The following TMPRSS11B variants were observed in gnomAD, a reference collection of about 807,000 sequenced individuals.
TMPRSS11B encodes transmembrane protease serine 11B.
In TMPRSS11B, 53 loss-of-function variants were observed where a neutral mutation model predicts 44.7. That is an observed-to-expected ratio of 1.19 (90% CI 0.95 to 1.49). TMPRSS11B has a LOEUF of 1.49. Ranked by LOEUF, TMPRSS11B falls within the 40% of genes most tolerant of loss-of-function variation. The probability of loss-of-function intolerance (pLI) is 0.00; values close to 1 mark genes in which losing one functional copy is unlikely to be tolerated. For missense variants in TMPRSS11B, 526 were observed against 494.8 expected, an observed-to-expected ratio of 1.06 and a Z score of -0.60; for synonymous variants, 140 against 159.2, an observed-to-expected ratio of 0.88 and a Z score of 0.91.
chr4:68,242,376 A>ATATTATATTATATAT (rs1481689829), intron 1 of TMPRSS11B, among the ~76,000 whole-genome samples: 1 of 57,896 alleles, frequency 1.7e-5, no homozygotes, highest in African/African-American at 7.2e-5. Flanking sequence ...ATATAATATT[A>ATATTATATTATATAT]TATATATAAT....
At position 68,231,392 on chromosome 4, in the gene TMPRSS11B, AT is replaced by A; in HGVS notation, c.509-13del. Reference sequence around the variant, plus strand: ...TTGTCTCCCACAACCTAGAGAAAGGATTTATTTACACGAGAGCAGGTATCTT... The same window carrying A: ...TTGTCTCCCACAACCTAGAGAAAGGATTATTTACACGAGAGCAGGTATCTT... On this transcript the variant is annotated splice_polypyrimidine_tract_variant and intron_variant, in intron 6 of 9. Transcript: ENST00000332644. 1 of 1,602,774 alleles carries A rather than the reference AT, an allele frequency of 6.2e-7. No homozygotes were observed. The highest frequency in any genetic ancestry group is 1.1e-5 in the South Asian group (1 of 89,436).
intron 1 of TMPRSS11B, 23 bp downstream of exon 1, chr4:68,245,528 C>T (rs1210425087): frequency 6.2e-7 from 1 of 1,613,190 alleles, no homozygotes; most frequent in Non-Finnish European, 8.5e-7. Context: ...CCAACTTGCT[C>T]TCCCCAGTGA....
At chr4:68,240,449 T>A (rs1190864042) in intron 2 of TMPRSS11B, among the ~76,000 whole-genome samples, 2 of 152,182 alleles carry the variant, frequency 1.3e-5, no homozygotes, top group Non-Finnish European at 2.9e-5. Context: ...GGGTGAATTA[T>A]CATCCCATGC....
chr4:68,233,390 C>A (rs1175948988), intron 5 of TMPRSS11B, among the ~76,000 whole-genome samples: 3 of 152,180 alleles, frequency 2.0e-5, no homozygotes, highest in Non-Finnish European at 4.4e-5. Flanking sequence ...ACTCTGAAAT[C>A]ATATGCTTAT....
At chr4:68,245,476 C>CA (rs1719974449) in intron 1 of TMPRSS11B, 75 bp downstream of exon 1, 2 of 1,511,394 alleles carry the variant, frequency 1.3e-6, no homozygotes, top group Non-Finnish European at 1.8e-6. Context: ...AGTCAATTAA[C>CA]AAAAAACTAG....
chr4:68,241,086 G>C (rs1368193279), intron 2 of TMPRSS11B, among the ~76,000 whole-genome samples: 3 of 152,140 alleles, frequency 2.0e-5, no homozygotes, highest in African/African-American at 7.2e-5. Context: ...GGAAGATAAA[G>C]TGGAATGATG....
chr4:68,234,615 G>C lies in TMPRSS11B; in HGVS notation c.317C>G (p.Ala106Gly). The C allele has an allele frequency of 6.2e-7, 1 of 1,613,590 alleles. No individual in the cohort carries two copies. The highest frequency in any genetic ancestry group is 8.5e-7 in the Non-Finnish European group (1 of 1,179,848). ...KSEVIKLLPNANGSNVQLQLK... is the reference protein window; with the variant it reads ...KSEVIKLLPNGNGSNVQLQLK... ...CTGTAACTGCACATTTGAACCATTG[G>C]CATTAGGCCTAGAAACAACAGAAAT... is the stretch of plus-strand genomic sequence containing the variant. Residue 106 changes from alanine to glycine, a missense_variant, in exon 5 of 10, where the codon GCC (alanine) becomes GGC (glycine). Coordinates refer to ENST00000332644, the MANE Select transcript of TMPRSS11B (RefSeq NM_182502.3).
chr4:68,233,513 G>A (rs1719577003), intron 5 of TMPRSS11B, among the ~76,000 whole-genome samples: 1 of 152,020 alleles, frequency 6.6e-6, no homozygotes, highest in Admixed American at 6.5e-5. Flanking sequence ...TCATTTTTCT[G>A]TGAGAAGCTT....
At position 68,231,206 on chromosome 4, in the gene TMPRSS11B, G is replaced by A; in HGVS notation, c.683C>T (p.Ala228Val). ...TTAGTCAAATTTTCAAACTTACTTA[G>A]CAAAGCAGTGAGCTGCAGATAATAG... ...RWLLSAAHCF[A>V]KKNNSKDWTV... is the part of the protein sequence containing the mutation. Residue 228 changes from alanine (A) to valine (V), a missense_variant, in exon 7 of 10, where the codon GCT (alanine) becomes GTT (valine). Ala to Val is a moderately conservative substitution (Grantham distance 64, BLOSUM62 0). Coordinates refer to ENST00000332644, the MANE Select transcript of TMPRSS11B (RefSeq NM_182502.3). 1 of 1,602,170 alleles carries A rather than the reference G, an allele frequency of 6.2e-7. No homozygotes were observed. The highest frequency in any genetic ancestry group is 8.5e-7 in the Non-Finnish European group (1 of 1,175,940).
chr4:68,242,351 A>AT (rs1479438190), intron 1 of TMPRSS11B, among the ~76,000 whole-genome samples: 2 of 58,932 alleles, frequency 3.4e-5, no homozygotes, highest in African/African-American at 1.7e-4. Context: ...TATATTATAT[A>AT]TAATATTATA....
At chr4:68,233,280 A>G (rs1164201345) in intron 5 of TMPRSS11B, among the ~76,000 whole-genome samples, 1 of 152,016 alleles carries the variant, frequency 6.6e-6, no homozygotes, top group Admixed American at 6.6e-5. Context: ...CGGGGTCTTT[A>G]TTGTGTGGCA....
intron 5 of TMPRSS11B, 131 bp from the exon 6 acceptor site, chr4:68,232,547 A>G: frequency 1.4e-6 from 1 of 724,356 alleles, no homozygotes. Flanking sequence ...GGAGTAGTTC[A>G]GGTATTTTCA....
At chr4:68,245,460 A>G in intron 1 of TMPRSS11B, 91 bp downstream of exon 1, 2 of 1,365,996 alleles carry the variant, frequency 1.5e-6, no homozygotes, top group South Asian at 1.2e-5. Context: ...ACTAAATTAT[A>G]AAAACAGTCA....
At chr4:68,235,798 C>A (rs1247091091) in intron 4 of TMPRSS11B, among the ~76,000 whole-genome samples, 2 of 152,080 alleles carry the variant, frequency 1.3e-5, no homozygotes, top group African/African-American at 2.4e-5. Context: ...TTGCTAGATA[C>A]AATGATACTT....
intron 2 of TMPRSS11B, among the ~76,000 whole-genome samples, chr4:68,237,569 G>A (rs1016451063): frequency 1.3e-5 from 2 of 152,180 alleles, no homozygotes; most frequent in Non-Finnish European, 2.9e-5. Context: ...CAGTGTAAAA[G>A]CATGGTGCCC....
intron 8 of TMPRSS11B, 23 bp from the exon 9 acceptor site, chr4:68,228,907 A>C (rs370127147): frequency 7.5e-5 from 120 of 1,605,614 alleles, no homozygotes; most frequent in Non-Finnish European, 1.0e-4. Context: ...AGTGCTGCAT[A>C]TTATGCAGAT....
chr4:68,239,337 T>A (rs921859682), intron 2 of TMPRSS11B, among the ~76,000 whole-genome samples: 1 of 151,864 alleles, frequency 6.6e-6, no homozygotes, highest in Non-Finnish European at 1.5e-5. Context: ...CTTCACCCCA[T>A]CTCCCAAAAT....
At chr4:68,242,017 C>T (rs1400555559) in intron 1 of TMPRSS11B, among the ~76,000 whole-genome samples, 4 of 150,322 alleles carry the variant, frequency 2.7e-5, no homozygotes, top group Non-Finnish European at 5.9e-5. Context: ...GCTGGAAATA[C>T]ATCAGTGAGC....
chr4:68,241,228 G>A (rs1300719407), intron 2 of TMPRSS11B, among the ~76,000 whole-genome samples: 4 of 152,128 alleles, frequency 2.6e-5, no homozygotes, highest in Admixed American at 1.3e-4. Context: ...ATAAAACCAT[G>A]TTTGTGCAAA....
Sources: allele counts gnomAD v4.1 joint callset (sites outside exome capture counted in the v4.1 genomes callset), GRCh38; gene constraint gnomAD v4.1.1; transcripts MANE v1.5; gene names NCBI Gene and HGNC (gene_info 2026-07-23, HGNC 2026-07-21).